The following HACL1 variants were observed in gnomAD, a reference collection of about 807,000 sequenced individuals.
HACL1 encodes 2-hydroxyacyl-CoA lyase 1.
In HACL1, 64 loss-of-function variants were observed where a neutral mutation model predicts 74.2. The ratio of observed to expected loss-of-function variants is 0.86; its 90% CI spans 0.70 to 1.06. The LOEUF (loss-of-function observed/expected upper bound fraction) is 1.06. Ranked by LOEUF, HACL1 falls within the 50% of genes least tolerant of loss-of-function variation. The pLI, the probability that HACL1 is intolerant of heterozygous loss-of-function variation, is 0.00. For synonymous variants in HACL1, 230 were observed against 238.8 expected, an observed-to-expected ratio of 0.96 and a Z score of 0.34; for missense variants, 728 against 719.7, an observed-to-expected ratio of 1.01 and a Z score of -0.13.
At chr3:15,584,103 T>C (rs1027998947) in intron 7 of HACL1, among the ~76,000 whole-genome samples, 1 of 152,222 alleles carries the variant, frequency 6.6e-6, no homozygotes, top group Non-Finnish European at 1.5e-5. Flanking sequence ...AATTATACTG[T>C]ATAAAATTTA....
At chr3:15,569,559 C>T (rs1056572989) in intron 12 of HACL1, among the ~76,000 whole-genome samples, 2 of 152,052 alleles carry the variant, frequency 1.3e-5, no homozygotes, top group Non-Finnish European at 2.9e-5. Context: ...CGGTGGCTCA[C>T]GCCTGTAATC....
chr3:15,577,708 G>A (rs963243581), intron 9 of HACL1, among the ~76,000 whole-genome samples: 1 of 152,084 alleles, frequency 6.6e-6, no homozygotes, highest in Non-Finnish European at 1.5e-5. Context: ...TGAGGTGGGA[G>A]GATTGCTTTA....
At chr3:15,576,584 G>A (rs1371278536) in intron 9 of HACL1, among the ~76,000 whole-genome samples, 2 of 152,170 alleles carry the variant, frequency 1.3e-5, no homozygotes, top group East Asian at 3.9e-4. Flanking sequence ...CGTTTCCGAT[G>A]TGGCTCTTAT....
chr3:15,563,592 T>C (rs1559545391), intron 15 of HACL1, 48 bp from the exon 16 acceptor site: 43 of 1,251,760 alleles, frequency 3.4e-5, no homozygotes, highest in Non-Finnish European at 4.7e-5. Flanking sequence ...TTAAACCTTG[T>C]AGAAAAAAAG....
chr3:15,568,631 T>G, intron 12 of HACL1, 45 bp from the exon 13 acceptor site: 1 of 1,065,858 alleles, frequency 9.4e-7, no homozygotes, highest in South Asian at 1.5e-5. Context: ...TGGGATACAA[T>G]GAAAATAACC....
At chr3:15,593,782 GTTT>G (rs200160002) in intron 3 of HACL1, among the ~76,000 whole-genome samples, 2 of 123,730 alleles carry the variant, frequency 1.6e-5, no homozygotes, top group East Asian at 2.3e-4. Context: ...AATGTTTTGT[GTTT>G]TTTTTTTTGT....
chr3:15,567,824 G>C lies in HACL1; in HGVS notation c.1409+20C>G, dbSNP rs1403447225. 6.2e-7 allele frequency: 1 copy of C among 1,605,586 alleles called. No individual in the cohort carries two copies. The highest frequency in any genetic ancestry group is 8.5e-7 in the Non-Finnish European group (1 of 1,172,228). On this transcript the variant is annotated intron_variant, in intron 14 of 16. Coordinates refer to ENST00000321169, the MANE Select transcript of HACL1 (RefSeq NM_012260.4). ...CATATTCTAGAGAATCAAATGCTCT[G>C]ATTCAGGATGATGTTTTACCTGCAG...
intron 3 of HACL1, among the ~76,000 whole-genome samples, chr3:15,593,518 C>A (rs1459137014): frequency 7.9e-5 from 12 of 151,398 alleles, no homozygotes; most frequent in Non-Finnish European, 5.9e-5. Context: ...CATGCCTGGC[C>A]CAAAAAAAGA....
At chr3:15,564,832 C>T (rs895659928) in intron 14 of HACL1, among the ~76,000 whole-genome samples, 174 bp from the exon 15 acceptor site, 3 of 152,100 alleles carry the variant, frequency 2.0e-5, no homozygotes, top group South Asian at 4.1e-4. Context: ...AAATAATTAA[C>T]AGAAACATCA....
chr3:15,565,740 T>C (rs191917995), intron 14 of HACL1, among the ~76,000 whole-genome samples: 335 of 152,286 alleles, frequency 2.2e-3, no homozygotes, highest in Non-Finnish European at 3.4e-3. Context: ...TTTGTGTATA[T>C]CACTTGGTTG....
At chr3:15,600,985 A>T (rs1250185338) in intron 2 of HACL1, 105 bp downstream of exon 2, 2 of 720,428 alleles carry the variant, frequency 2.8e-6, no homozygotes, top group Admixed American at 2.0e-5. Context: ...ATATATGTAA[A>T]GTAGCAGAAG....
At chr3:15,600,819 A>G in intron 2 of HACL1, 1 of 547,182 alleles carries the variant, frequency 1.8e-6, no homozygotes, top group Non-Finnish European at 3.3e-6. Context: ...ACAGTATAGT[A>G]GTAAGAGAAT....
intron 13 of HACL1, 146 bp downstream of exon 13, chr3:15,568,286 C>T (rs2063469169): frequency 3.2e-6 from 2 of 624,450 alleles, no homozygotes; most frequent in Non-Finnish European, 5.6e-6. Flanking sequence ...CTCTACAAAA[C>T]CTCACCTAAG....
At chr3:15,593,707 CAAAT>C (rs2064000404) in intron 3 of HACL1, among the ~76,000 whole-genome samples, 1 of 148,222 alleles carries the variant, frequency 6.7e-6, no homozygotes, top group Non-Finnish European at 1.5e-5. Context: ...CATTTCTTAA[CAAAT>C]AAATATAACG....
intron 2 of HACL1, 196 bp downstream of exon 2, chr3:15,600,894 G>T: frequency 1.6e-6 from 1 of 611,616 alleles, no homozygotes; most frequent in Non-Finnish European, 3.0e-6. Flanking sequence ...TGTCACCAAA[G>T]GCAAGTTTTA....
intron 7 of HACL1, among the ~76,000 whole-genome samples, chr3:15,584,916 C>T (rs148819380): frequency 7.9e-5 from 12 of 152,088 alleles, no homozygotes; most frequent in Non-Finnish European, 1.5e-4. Context: ...TTAATAATCA[C>T]CCAACCTCTT....
intron 10 of HACL1, among the ~76,000 whole-genome samples, chr3:15,573,784 G>T (rs1287901428): frequency 6.6e-6 from 1 of 152,230 alleles, no homozygotes. Flanking sequence ...ACAATTCCAA[G>T]AACATGGCAC....
At chr3:15,584,460 C>T (rs1050567118) in intron 7 of HACL1, among the ~76,000 whole-genome samples, 3 of 152,004 alleles carry the variant, frequency 2.0e-5, no homozygotes, top group Non-Finnish European at 4.4e-5. Context: ...TGGTGGCGGG[C>T]GCCTGTAATC....
At position 15,572,087 on chromosome 3, in the gene HACL1, GTCTCGGCCTCC is replaced by G. The variant is rs2063546363; in HGVS notation, c.994-329_994-319del. Among the ~76,000 whole-genome samples, 4 of 152,008 alleles carry G rather than the reference GTCTCGGCCTCC, an allele frequency of 2.6e-5. No homozygotes were observed. In the South Asian group the frequency reaches 8.3e-4, roughly 32 times the overall value. On this transcript the variant is annotated intron_variant, in intron 11 of 16. Coordinates refer to ENST00000321169, the MANE Select transcript of HACL1 (RefSeq NM_012260.4). Reference sequence around the variant, plus strand: ...ACTCCTGACCTCAGGTGATCTACCTGTCTCGGCCTCCCAAAGTGCTGGGATTATAGGGATGA... The same window carrying G: ...ACTCCTGACCTCAGGTGATCTACCTGCAAAGTGCTGGGATTATAGGGATGA...
Sources: gnomAD v4.1 joint callset for allele counts (sites outside exome capture counted in the v4.1 genomes callset) on GRCh38, gnomAD v4.1.1 for gene constraint, MANE v1.5 for transcripts, NCBI Gene and HGNC (gene_info 2026-07-23, HGNC 2026-07-21) for gene names.